Variants in RBBP8 observed in about 807,000 individuals in gnomAD.
The protein encoded by RBBP8 is DNA endonuclease RBBP8.
RBBP8 carries 88 observed loss-of-function variants against 108.3 expected under a neutral mutation model. That is an observed-to-expected ratio of 0.81 (90% CI 0.68 to 0.97). The LOEUF is 0.97. Among genes scored for constraint, RBBP8 ranks in the 50% least tolerant of loss-of-function variants. The pLI is 0.00. For missense variants in RBBP8, 1,023 were observed against 1,049.0 expected (o/e 0.98, Z 0.34); for synonymous variants, 332 against 348.2 (o/e 0.95, Z 0.52).
Position 22,944,607 on chromosome 18 carries a change from A to G in RBBP8, c.110-1837A>G, listed in dbSNP as rs371590939. Reference sequence around the variant, plus strand: ...TGGCTAAGACTGCTGTGAACATTCAATACAGGTTTATCTGTAACATTTTTT... The same window carrying G: ...TGGCTAAGACTGCTGTGAACATTCAGTACAGGTTTATCTGTAACATTTTTT... On this transcript the variant is annotated intron_variant, in intron 2 of 18. Coordinates refer to ENST00000327155, the MANE Select transcript of RBBP8 (RefSeq NM_002894.3). Among the ~76,000 whole-genome samples the G allele has an allele frequency of 3.4e-4, 52 of 152,356 alleles. 1 individual carries two copies. In the South Asian group the frequency reaches 9.3e-3, roughly 27 times the overall value.
intron 2 of RBBP8, among the ~76,000 whole-genome samples, chr18:22,941,530 C>G (rs1401997595): frequency 6.6e-6 from 1 of 152,028 alleles, no homozygotes; most frequent in Non-Finnish European, 1.5e-5. Context: ...TCTTCCTATT[C>G]TTTGGTGTTA....
intron 10 of RBBP8, among the ~76,000 whole-genome samples, chr18:22,992,481 C>T (rs1403794438): frequency 1.3e-5 from 2 of 152,200 alleles, no homozygotes; most frequent in African/African-American, 4.8e-5. Flanking sequence ...CAGGCATGAG[C>T]CACTGCGCCT....
intron 2 of RBBP8, among the ~76,000 whole-genome samples, chr18:22,916,050 AACTGAGGATATAT>A (rs1294438057): frequency 6.6e-6 from 1 of 152,090 alleles, no homozygotes; most frequent in Admixed American, 6.6e-5. Flanking sequence ...TTTTTGTTAA[AACTGAGGATATAT>A]AAATTTGTCA....
chr18:22,932,622 A>G (rs1910108207), upstream of RBBP8, among the ~76,000 whole-genome samples: 1 of 152,230 alleles, frequency 6.6e-6, no homozygotes, highest in Admixed American at 6.5e-5. Flanking sequence ...GGACTGGTTT[A>G]AAAGATATTT....
intron 4 of RBBP8, among the ~76,000 whole-genome samples, chr18:22,954,723 C>T (rs1268944649): frequency 2.0e-5 from 3 of 152,162 alleles, no homozygotes; most frequent in African/African-American, 7.2e-5. Context: ...CCCAACATTT[C>T]CCTCCCACAC....
At chr18:23,000,829 T>A (rs1598729491) in intron 14 of RBBP8, among the ~76,000 whole-genome samples, 1 of 151,392 alleles carries the variant, frequency 6.6e-6, no homozygotes. Flanking sequence ...GAGTTGGGAG[T>A]TTATTCTTAC....
rs538435533 is a variant in RBBP8 at position 22,996,271 on chromosome 18, T to C, written c.1940-103T>C. 2,920 of 1,529,850 alleles carry C rather than the reference T, an allele frequency of 1.9e-3. 5 individuals are homozygous for C. The highest frequency in any genetic ancestry group is 2.4e-3 in the Non-Finnish European group (2,709 of 1,140,678). 94.8% of individuals were successfully genotyped at this position (1,529,850 alleles called of 1,614,324 possible). ...AGATATAAGTCCTTTACCAGACATA[T>C]GATTTGCAAAAATTTTCTATTCTTT... On this transcript the variant is annotated intron_variant, in intron 12 of 18. Transcript: ENST00000327155.
chr18:22,976,664 G>A (rs4335860), intron 6 of RBBP8, among the ~76,000 whole-genome samples: 31,655 of 151,912 alleles, frequency 0.21, 3,584 homozygotes, highest in East Asian at 0.4. Context: ...TTGGAATCCC[G>A]TCTGGTTCCA....
intron 5 of RBBP8, among the ~76,000 whole-genome samples, chr18:22,973,636 T>C (rs1483683788): frequency 6.6e-6 from 1 of 152,220 alleles, no homozygotes; most frequent in Non-Finnish European, 1.5e-5. Flanking sequence ...CTTCCCATCA[T>C]TCATCTATAA....
In RBBP8 at chr18:22,936,775, G is replaced by A. The variant is rs997377545; in HGVS notation, c.-77G>A. The A allele has an allele frequency of 1.2e-5, 19 of 1,564,118 alleles. No individual in the cohort carries two copies. The highest frequency in any genetic ancestry group is 1.4e-5 in the Non-Finnish European group (16 of 1,137,458). On this transcript the variant is annotated 5_prime_UTR_variant, in exon 2 of 19. Coordinates refer to ENST00000327155, the MANE Select transcript of RBBP8 (RefSeq NM_002894.3). ...TCAGGTATTTGACCTGTCCAAAGACGACTTGATACCTCTATAATGTAACAG... is the reference window on the plus strand; with the variant it reads ...TCAGGTATTTGACCTGTCCAAAGACAACTTGATACCTCTATAATGTAACAG...
At chr18:22,948,209 A>C (rs1336853597) in intron 3 of RBBP8, among the ~76,000 whole-genome samples, 1 of 152,118 alleles carries the variant, frequency 6.6e-6, no homozygotes, top group Non-Finnish European at 1.5e-5. Flanking sequence ...AGATTAAGTT[A>C]AATATTAAAT....
intron 3 of RBBP8, among the ~76,000 whole-genome samples, chr18:22,926,152 G>T (rs375483178): frequency 3.9e-5 from 6 of 152,330 alleles, no homozygotes; most frequent in African/African-American, 1.4e-4. Flanking sequence ...GCTGGCTGCG[G>T]TGGCTCACAC....
chr18:23,023,229 C>G (rs937442889), intron 18 of RBBP8, among the ~76,000 whole-genome samples: 3 of 152,120 alleles, frequency 2.0e-5, no homozygotes, highest in Middle Eastern at 3.4e-3. Flanking sequence ...AATAACCTAA[C>G]AAAAATTACC....
intron 12 of RBBP8, among the ~76,000 whole-genome samples, chr18:22,994,867 A>C (rs948538563): frequency 3.3e-5 from 5 of 151,606 alleles, no homozygotes; most frequent in African/African-American, 1.2e-4. Flanking sequence ...CTGGGACTAC[A>C]AGCATGCACC....
rs919907678 is a variant in RBBP8 at position 22,971,641 on chromosome 18, CTTT to C, written c.361+2743_361+2745del. Among the ~76,000 whole-genome samples the C allele has an allele frequency of 6.7e-3, 729 of 109,206 alleles. 4 individuals carry two copies. Among genetic ancestry groups the C allele is most frequent in the African/African-American group, 0.024 (667 of 28,028 alleles). 71.6% of individuals were successfully genotyped at this position (109,206 alleles called of 152,430 possible). ...TCTAGGGTGAACCAATGTTTAATTT[CTTT>C]TTTTTTTTTTTTTTTTTTTGAGACG... On this transcript the variant is annotated intron_variant, in intron 5 of 18. Transcript: ENST00000327155.
At chr18:22,917,496 A>G (rs58646517) in intron 3 of RBBP8, among the ~76,000 whole-genome samples, 25,579 of 152,200 alleles carry the variant, frequency 0.17, 2,730 homozygotes, top group African/African-American at 0.31. Context: ...AACACTTCAC[A>G]TAGTTCCTAG....
chr18:22,975,393 T>A (rs1234337352), intron 6 of RBBP8, among the ~76,000 whole-genome samples, 174 bp downstream of exon 6: 1 of 152,136 alleles, frequency 6.6e-6, no homozygotes, highest in Non-Finnish European at 1.5e-5. Context: ...AATGCATCTC[T>A]TAGATTAGTG....
At chr18:22,964,467 C>T (rs1320247557) in intron 4 of RBBP8, among the ~76,000 whole-genome samples, 4 of 150,634 alleles carry the variant, frequency 2.7e-5, no homozygotes, top group Non-Finnish European at 5.9e-5. Flanking sequence ...TCCCCTCCTG[C>T]GTTTCCTTGC....
intron 18 of RBBP8, among the ~76,000 whole-genome samples, chr18:23,022,602 A>AAAAATAAAATAAAATAAAATAAAAT (rs1299225729): frequency 0.032 from 2,999 of 92,380 alleles, 311 homozygotes; most frequent in African/African-American, 0.088. Flanking sequence ...ACTCTGTCTC[A>AAAAATAAAATAAAATAAAATAAAAT]AAAATAAAAT....
Sources: gnomAD v4.1 joint callset for allele counts (sites outside exome capture counted in the v4.1 genomes callset) on GRCh38, gnomAD v4.1.1 for gene constraint, MANE v1.5 for transcripts, NCBI Gene and HGNC (gene_info 2026-07-23, HGNC 2026-07-21) for gene names.